Variants in RANBP2 observed in about 807,000 individuals in gnomAD.
RANBP2 encodes the protein RAN binding protein 2.
Under a neutral mutation model 303.6 loss-of-function variants are expected in RANBP2, and 57 were observed. That is an observed-to-expected ratio of 0.19 (90% confidence interval 0.15 to 0.23). RANBP2 has a LOEUF of 0.23. RANBP2 is among the 10% of genes least tolerant of loss of function. The pLI, the probability that RANBP2 is intolerant of heterozygous loss-of-function variation, is 1.00. For synonymous variants in RANBP2, 1,167 were observed against 1,301.5 expected (o/e 0.90, Z 2.23); for missense variants, 3,138 against 3,780.8 (o/e 0.83, Z 4.46).
At chr2:109,523,342 G>C in the RANBP2 span, among the ~76,000 whole-genome samples, 1 of 152,148 alleles carries the variant, frequency 6.6e-6, no homozygotes, top group Non-Finnish European at 1.5e-5. Flanking sequence ...CAGGCTGGAA[G>C]ACCCCAGTGG....
the RANBP2 span, among the ~76,000 whole-genome samples, chr2:109,454,267 A>G: frequency 1.5e-3 from 229 of 152,318 alleles, 1 homozygote; most frequent in Non-Finnish European, 2.7e-3. Context: ...TACTTTGTCT[A>G]CTATCCAATC....
chr2:109,407,155 G>A, the RANBP2 span, among the ~76,000 whole-genome samples: 15 of 150,970 alleles, frequency 9.9e-5, no homozygotes, highest in South Asian at 1.1e-3. Flanking sequence ...CTGACTCGCC[G>A]TCCAGCCAGG....
the RANBP2 span, among the ~76,000 whole-genome samples, chr2:109,189,229 A>G: frequency 1.3e-5 from 2 of 151,678 alleles, no homozygotes; most frequent in Non-Finnish European, 2.9e-5. Flanking sequence ...TGGTGTGTTC[A>G]GAAGGAGGTG....
chr2:109,443,210 A>G, the RANBP2 span, among the ~76,000 whole-genome samples: 1 of 152,262 alleles, frequency 6.6e-6, no homozygotes, highest in Non-Finnish European at 1.5e-5. Flanking sequence ...TTATTTGACA[A>G]AAGAGAAAAT....
At chr2:109,603,865 CTAAT>C in the RANBP2 span, among the ~76,000 whole-genome samples, 2 of 151,928 alleles carry the variant, frequency 1.3e-5, no homozygotes, top group Admixed American at 6.6e-5. Flanking sequence ...GAAACCGTCT[CTAAT>C]TAAAATTTTA....
the RANBP2 span, among the ~76,000 whole-genome samples, chr2:109,147,489 C>A: frequency 6.6e-6 from 1 of 152,192 alleles, no homozygotes; most frequent in African/African-American, 2.4e-5. Flanking sequence ...ACTTGGTCAA[C>A]AGATCTGATA....
At chr2:109,063,091 A>C in the RANBP2 span, among the ~76,000 whole-genome samples, 25,684 of 151,964 alleles carry the variant, frequency 0.17, 2,211 homozygotes, top group Middle Eastern at 0.2. Flanking sequence ...GCCCCCCACC[A>C]CCATGCCAAC....
At chr2:109,777,945 AGTAT>A in the RANBP2 span, among the ~76,000 whole-genome samples, 1 of 130,476 alleles carries the variant, frequency 7.7e-6, no homozygotes, top group Non-Finnish European at 1.6e-5. Flanking sequence ...TATTTATATA[AGTAT>A]GTAAGTATAA....
chr2:109,590,119 T>C, the RANBP2 span, among the ~76,000 whole-genome samples: 1 of 151,604 alleles, frequency 6.6e-6, no homozygotes, highest in South Asian at 2.1e-4. Context: ...TGTATATATA[T>C]ACACACATAC....
chr2:109,385,161 C>G, the RANBP2 span, among the ~76,000 whole-genome samples: 1,598 of 152,328 alleles, frequency 0.01, 18 homozygotes, highest in Middle Eastern at 0.037. Flanking sequence ...AGCTCTGGCT[C>G]TCTCTGTCAC....
At chr2:108,935,590 CCTCTTT>C in the RANBP2 span, among the ~76,000 whole-genome samples, 1 of 152,098 alleles carries the variant, frequency 6.6e-6, no homozygotes, top group African/African-American at 2.4e-5. Context: ...TGGGTCTCTC[CCTCTTT>C]AAGTTCTGGC....
chr2:109,771,646 T>C, the RANBP2 span, among the ~76,000 whole-genome samples: 2 of 20,612 alleles, frequency 9.7e-5, no homozygotes, highest in African/African-American at 3.5e-4. Flanking sequence ...ACGGAACACC[T>C]GAGAAAATTC....
rs1461478940 is a variant in RANBP2, at chr2:108,733,256, C to A, written c.405+1782C>A. Among the ~76,000 whole-genome samples, 5 of 136,560 alleles carry A rather than the reference C, an allele frequency of 3.7e-5. No individual in the cohort carries two copies. The East Asian group carries it at 8.0e-4, about 22-fold the overall frequency. 89.6% of individuals were successfully genotyped at this position (136,560 alleles called of 152,430 possible). ...TTCATGGTCCACAATTTAACCATTC[C>A]CTTTTTTTTTTTTTTTTTTTTTTTT... On this transcript the variant is annotated intron_variant, in intron 4 of 28. Transcript: ENST00000283195.
At chr2:109,048,234 T>C in the RANBP2 span, among the ~76,000 whole-genome samples, 1 of 152,282 alleles carries the variant, frequency 6.6e-6, no homozygotes, top group Non-Finnish European at 1.5e-5. Flanking sequence ...TTTTTGCTCT[T>C]TCTTGCTACG....
At chr2:108,935,200 T>C in the RANBP2 span, among the ~76,000 whole-genome samples, 1 of 152,172 alleles carries the variant, frequency 6.6e-6, no homozygotes, top group African/African-American at 2.4e-5. Context: ...CCTTTGGCCC[T>C]TCCTTCCTCA....
the RANBP2 span, among the ~76,000 whole-genome samples, chr2:109,065,384 G>A: frequency 6.6e-6 from 1 of 152,076 alleles, no homozygotes; most frequent in African/African-American, 2.4e-5. Context: ...CTTTGTGTGC[G>A]TGTTTCTGTG....
the RANBP2 span, among the ~76,000 whole-genome samples, chr2:108,943,924 A>G: frequency 2.0e-5 from 3 of 152,196 alleles, no homozygotes; most frequent in African/African-American, 7.2e-5. Flanking sequence ...GTTGCTTCCA[A>G]AACAGGGAGA....
At chr2:109,171,333 A>G in the RANBP2 span, among the ~76,000 whole-genome samples, 3 of 152,202 alleles carry the variant, frequency 2.0e-5, no homozygotes, top group Non-Finnish European at 4.4e-5. Flanking sequence ...GCCTGTTAAG[A>G]ATTCAAAGTT....
the RANBP2 span, among the ~76,000 whole-genome samples, chr2:109,714,972 TG>T: frequency 1.2e-3 from 9 of 7,620 alleles, no homozygotes; most frequent in Non-Finnish European, 2.0e-3. Flanking sequence ...TTTGGGGGGG[TG>T]GGGGTGGGGG....
Sources: allele counts gnomAD v4.1 joint callset (sites outside exome capture counted in the v4.1 genomes callset), GRCh38; gene constraint gnomAD v4.1.1; transcripts MANE v1.5; gene names NCBI Gene and HGNC (gene_info 2026-07-23, HGNC 2026-07-21).